Variants in XKR9 observed in about 807,000 individuals in gnomAD.
XKR9 encodes XK related 9.
XKR9 carries 32 observed loss-of-function variants against 32.0 expected under a neutral mutation model. The observed-to-expected ratio is 1.00, with a 90% CI of 0.76 to 1.34. The LOEUF is 1.34. Among genes scored for constraint, XKR9 ranks in the 40% most tolerant of loss-of-function variants. XKR9 has a pLI of 0.00. For missense variants in XKR9, 546 were observed against 429.7 expected, an observed-to-expected ratio of 1.27 and a Z score of -2.39; for synonymous variants, 168 against 143.4, an observed-to-expected ratio of 1.17 and a Z score of -1.22.
chr8:71,048,462 T>C, the XKR9 span, among the ~76,000 whole-genome samples: 1 of 152,198 alleles, frequency 6.6e-6, no homozygotes, highest in Non-Finnish European at 1.5e-5. Flanking sequence ...TAACGTCTTC[T>C]ATTAGACATA....
At position 70,771,140 on chromosome 8, in the gene XKR9, C is replaced by T. The variant is rs546629534; in HGVS notation, n.353-18199C>T. Among the ~76,000 whole-genome samples the T allele has an allele frequency of 3.9e-5, 6 of 152,166 alleles. No individual in the cohort carries two copies. The South Asian group carries it at 1.0e-3, about 26-fold the overall frequency. ...AGCACTGTCCCTCATGGCATAGTCC[C>T]TCAAAGCTTCCCTTGGCTAGGGGAC... On this transcript the variant is annotated intron_variant and non_coding_transcript_variant, in intron 2 of 3. Coordinates refer to the XKR9 transcript ENST00000520273.
the XKR9 span, among the ~76,000 whole-genome samples, chr8:70,899,321 T>G: frequency 2.0e-5 from 3 of 152,180 alleles, no homozygotes; most frequent in Non-Finnish European, 4.4e-5. Context: ...ACCAGTGTCT[T>G]TTTCCTTTCC....
the XKR9 span, among the ~76,000 whole-genome samples, chr8:70,975,038 T>C: frequency 4.6e-5 from 7 of 152,250 alleles, no homozygotes; most frequent in African/African-American, 1.4e-4. Flanking sequence ...AGATGTCTTC[T>C]TTTGAGAAGT....
At chr8:70,954,260 C>T in the XKR9 span, among the ~76,000 whole-genome samples, 1 of 152,034 alleles carries the variant, frequency 6.6e-6, no homozygotes, top group East Asian at 1.9e-4. Flanking sequence ...TAGCCTGGGA[C>T]TGTTTACCCC....
At chr8:70,758,956 A>G (rs1807267893) in intron 2 of XKR9, among the ~76,000 whole-genome samples, 1 of 152,180 alleles carries the variant, frequency 6.6e-6, no homozygotes, top group African/African-American at 2.4e-5. Flanking sequence ...TTTAGGATGA[A>G]TTATGCAGAG....
At chr8:70,987,528 C>T in the XKR9 span, among the ~76,000 whole-genome samples, 7 of 152,262 alleles carry the variant, frequency 4.6e-5, no homozygotes, top group Non-Finnish European at 7.3e-5. Flanking sequence ...CCAGCTCATG[C>T]TGATGCAAGA....
intron 2 of XKR9, among the ~76,000 whole-genome samples, chr8:70,767,644 C>T (rs983825390): frequency 6.6e-6 from 1 of 151,480 alleles, no homozygotes; most frequent in Admixed American, 6.6e-5. Context: ...CTACAGGTGC[C>T]CGCCACCATG....
At chr8:70,827,243 G>A in the XKR9 span, among the ~76,000 whole-genome samples, 1 of 152,106 alleles carries the variant, frequency 6.6e-6, no homozygotes, top group Non-Finnish European at 1.5e-5. Context: ...ATGTGTACAT[G>A]TGATTTGTGT....
chr8:71,028,886 A>G, the XKR9 span, among the ~76,000 whole-genome samples: 1 of 145,710 alleles, frequency 6.9e-6, no homozygotes, highest in Middle Eastern at 3.5e-3. Flanking sequence ...AGTATATTCT[A>G]GAAATGAGAG....
the XKR9 span, among the ~76,000 whole-genome samples, chr8:70,929,009 C>T: frequency 1.3e-5 from 2 of 152,082 alleles, no homozygotes; most frequent in African/African-American, 4.8e-5. Flanking sequence ...TTTGCTTCTC[C>T]CAATGTGAGC....
At chr8:70,885,774 T>A in the XKR9 span, among the ~76,000 whole-genome samples, 1 of 152,088 alleles carries the variant, frequency 6.6e-6, no homozygotes, top group Non-Finnish European at 1.5e-5. Context: ...TTTTTTGTAT[T>A]TTTAGTAGAG....
chr8:70,933,424 A>AG, the XKR9 span, among the ~76,000 whole-genome samples: 1 of 151,966 alleles, frequency 6.6e-6, no homozygotes, highest in Admixed American at 6.6e-5. Flanking sequence ...TTGGAGATGA[A>AG]GGGGAAGAAC....
At chr8:70,955,662 C>G in the XKR9 span, among the ~76,000 whole-genome samples, 1 of 152,192 alleles carries the variant, frequency 6.6e-6, no homozygotes, top group Non-Finnish European at 1.5e-5. Context: ...TTTGCTTGGG[C>G]CTGCTGGGCT....
chr8:70,789,625 A>G (rs1807737123), intron 3 of XKR9, among the ~76,000 whole-genome samples: 1 of 152,096 alleles, frequency 6.6e-6, no homozygotes, highest in African/African-American at 2.4e-5. Flanking sequence ...ATTGAAATTT[A>G]CACTTTTCTA....
chr8:70,858,838 C>A, the XKR9 span, among the ~76,000 whole-genome samples: 4 of 151,994 alleles, frequency 2.6e-5, no homozygotes, highest in East Asian at 7.7e-4. Flanking sequence ...CTATTCCTCA[C>A]CATAACAAAA....
chr8:71,016,008 T>C, the XKR9 span, among the ~76,000 whole-genome samples: 4 of 152,190 alleles, frequency 2.6e-5, no homozygotes, highest in Non-Finnish European at 4.4e-5. Flanking sequence ...AACCGATTTA[T>C]AGCCAAAACC....
chr8:70,769,977 C>G (rs542468220), intron 2 of XKR9, among the ~76,000 whole-genome samples: 12 of 152,108 alleles, frequency 7.9e-5, no homozygotes, highest in Admixed American at 7.9e-4. Context: ...AGTTGTGTTC[C>G]CTTGCTGGCG....
At chr8:70,933,757 T>C in the XKR9 span, among the ~76,000 whole-genome samples, 46 of 152,174 alleles carry the variant, frequency 3.0e-4, no homozygotes, top group African/African-American at 1.1e-3. Context: ...AGTTTCTGAT[T>C]TGATTTTTAT....
At chr8:70,808,329 G>A in the XKR9 span, among the ~76,000 whole-genome samples, 6 of 152,124 alleles carry the variant, frequency 3.9e-5, no homozygotes. Flanking sequence ...AAGGAAGATG[G>A]CCGAATAGGA....
Sources: allele counts gnomAD v4.1 joint callset (sites outside exome capture counted in the v4.1 genomes callset), GRCh38; gene constraint gnomAD v4.1.1; transcripts MANE v1.5; gene names NCBI Gene and HGNC (gene_info 2026-07-23, HGNC 2026-07-21).